The following FIGN variants were observed in gnomAD, a reference collection of about 807,000 sequenced individuals.
FIGN encodes the protein fidgetin.
FIGN carries 11 observed loss-of-function variants against 51.3 expected under a neutral mutation model. That is an observed-to-expected ratio of 0.21 (90% CI 0.13 to 0.35). The LOEUF (loss-of-function observed/expected upper bound fraction) is 0.35, where lower values mean the gene tolerates loss of function less well. FIGN is among the 10% of genes least tolerant of loss of function. The probability of loss-of-function intolerance (pLI) is 1.00; values close to 1 mark genes in which losing one functional copy is unlikely to be tolerated. For missense variants in FIGN, 857 were observed against 943.6 expected (o/e 0.91, Z 1.20); for synonymous variants, 407 against 363.2 (o/e 1.12, Z -1.37).
At chr2:163,728,578 TTTCC>T (rs1178854337) in intron 2 of FIGN, among the ~76,000 whole-genome samples, 1 of 152,194 alleles carries the variant, frequency 6.6e-6, no homozygotes, top group Non-Finnish European at 1.5e-5. Context: ...TAATGGTTCA[TTTCC>T]CATCAGTTTT....
intron 2 of FIGN, among the ~76,000 whole-genome samples, chr2:163,652,736 C>T (rs1482206399): frequency 1.3e-5 from 2 of 151,968 alleles, no homozygotes; most frequent in Non-Finnish European, 2.9e-5. Context: ...TATTATAATC[C>T]ATAATTTATC....
intron 2 of FIGN, among the ~76,000 whole-genome samples, chr2:163,652,622 G>A (rs1340302138): frequency 6.6e-6 from 1 of 152,038 alleles, no homozygotes; most frequent in East Asian, 1.9e-4. Context: ...CATATGTTCT[G>A]CTAAAGAAGT....
chr2:163,637,362 G>A (rs1257377976), intron 2 of FIGN, among the ~76,000 whole-genome samples: 2 of 152,076 alleles, frequency 1.3e-5, no homozygotes, highest in East Asian at 3.9e-4. Context: ...ATCTAATTAC[G>A]ACAGTTTTTT....
intron 2 of FIGN, among the ~76,000 whole-genome samples, chr2:163,686,492 A>G (rs1002854318): frequency 1.3e-5 from 2 of 152,156 alleles, no homozygotes; most frequent in African/African-American, 2.4e-5. Flanking sequence ...CTGAAGTTTC[A>G]TTGCTATATA....
At chr2:163,656,126 G>A (rs1419524813) in intron 2 of FIGN, among the ~76,000 whole-genome samples, 2 of 152,040 alleles carry the variant, frequency 1.3e-5, no homozygotes, top group Non-Finnish European at 2.9e-5. Flanking sequence ...GACTCTTAAG[G>A]TTTAAAATAA....
intron 2 of FIGN, among the ~76,000 whole-genome samples, chr2:163,652,665 G>A (rs1431258764): frequency 1.3e-5 from 2 of 152,232 alleles, no homozygotes; most frequent in Admixed American, 6.5e-5. Context: ...GAAGAAAAGT[G>A]TGAATGATTC....
intron 2 of FIGN, among the ~76,000 whole-genome samples, chr2:163,723,181 A>T (rs1018175975): frequency 5.3e-5 from 8 of 151,774 alleles, no homozygotes; most frequent in Non-Finnish European, 7.4e-5. Context: ...ACAGAGCAAG[A>T]CTCCGTCTCA....
At chr2:163,662,962 C>T (rs1028552604) in intron 2 of FIGN, among the ~76,000 whole-genome samples, 2 of 152,214 alleles carry the variant, frequency 1.3e-5, no homozygotes, top group Admixed American at 6.5e-5. Flanking sequence ...TGAGGGCTCC[C>T]CAGCCATGTG....
intron 2 of FIGN, among the ~76,000 whole-genome samples, chr2:163,678,316 G>C (rs1464810361): frequency 6.6e-6 from 1 of 152,016 alleles, no homozygotes; most frequent in African/African-American, 2.4e-5. Flanking sequence ...CACCTCCCAC[G>C]TTCAACTGAT....
chr2:163,673,554 C>A (rs1296386251), intron 2 of FIGN, among the ~76,000 whole-genome samples: 2 of 152,076 alleles, frequency 1.3e-5, no homozygotes, highest in Non-Finnish European at 2.9e-5. Context: ...ATGCTAGTTT[C>A]ATTAATACCT....
intron 2 of FIGN, among the ~76,000 whole-genome samples, chr2:163,727,115 G>T (rs1269962355): frequency 6.6e-6 from 1 of 151,988 alleles, no homozygotes; most frequent in African/African-American, 2.4e-5. Context: ...AAAGGGAAAA[G>T]AAATGAACAG....
At chr2:163,732,002 G>A (rs377035160) in intron 2 of FIGN, among the ~76,000 whole-genome samples, 1 of 152,062 alleles carries the variant, frequency 6.6e-6, no homozygotes, top group Non-Finnish European at 1.5e-5. Flanking sequence ...TGTAAGACAA[G>A]TATCCAAAAA....
intron 2 of FIGN, among the ~76,000 whole-genome samples, chr2:163,711,954 G>A (rs1684594684): frequency 6.6e-6 from 1 of 151,960 alleles, no homozygotes. Context: ...TCTGGAATAA[G>A]CATGAAAGCT....
At chr2:163,662,157 G>A (rs1339312333) in intron 2 of FIGN, among the ~76,000 whole-genome samples, 3 of 152,158 alleles carry the variant, frequency 2.0e-5, no homozygotes, top group Non-Finnish European at 4.4e-5. Flanking sequence ...ATAAGGTCCA[G>A]GCTGAGGTGG....
In FIGN at chr2:163,709,154, C is replaced by T. The variant is rs142975643; in HGVS notation, c.25+25749G>A. ...ATCACATAACTTTGACCTTGGCAAA[C>T]ACAGAGAAGGAATACATCACCTTGC... On this transcript the variant is annotated intron_variant, in intron 2 of 2. Coordinates refer to ENST00000333129, the MANE Select transcript of FIGN (RefSeq NM_018086.4). Among the ~76,000 whole-genome samples the T allele has an allele frequency of 6.0e-3, 916 of 152,150 alleles. 8 individuals carry two copies. The highest frequency in any genetic ancestry group is 0.021 in the African/African-American group (890 of 41,496).
chr2:163,724,991 G>T (rs1247262097), intron 2 of FIGN, among the ~76,000 whole-genome samples: 1 of 151,980 alleles, frequency 6.6e-6, no homozygotes, highest in African/African-American at 2.4e-5. Flanking sequence ...ATATCATTCT[G>T]TGTAACAACC....
At chr2:163,696,136 A>G (rs559706910) in intron 2 of FIGN, among the ~76,000 whole-genome samples, 6 of 152,196 alleles carry the variant, frequency 3.9e-5, no homozygotes, top group Admixed American at 3.9e-4. Context: ...AACAAAAAAA[A>G]CAGTGTTTTT....
intron 2 of FIGN, among the ~76,000 whole-genome samples, chr2:163,698,916 G>A (rs1195070569): frequency 2.0e-5 from 3 of 152,154 alleles, no homozygotes; most frequent in Non-Finnish European, 4.4e-5. Flanking sequence ...TGTTTTAACA[G>A]AGAAGAAACA....
intron 2 of FIGN, among the ~76,000 whole-genome samples, chr2:163,638,293 G>T (rs1683256764): frequency 6.6e-6 from 1 of 151,754 alleles, no homozygotes; most frequent in Non-Finnish European, 1.5e-5. Context: ...CAGAAAAAAG[G>T]CAAAATGCTT....
Sources: gnomAD v4.1 joint callset for allele counts (sites outside exome capture counted in the v4.1 genomes callset) on GRCh38, gnomAD v4.1.1 for gene constraint, MANE v1.5 for transcripts, NCBI Gene and HGNC (gene_info 2026-07-23, HGNC 2026-07-21) for gene names.